Variants in OVCH1 observed in about 807,000 individuals in gnomAD.
OVCH1 encodes ovochymase 1, also known as ovochymase-1.
In OVCH1, 139 loss-of-function variants were observed where a neutral mutation model predicts 138.4. The ratio of observed to expected loss-of-function variants is 1.00; its 90% CI spans 0.87 to 1.16. OVCH1 has a LOEUF of 1.16. Ranked by LOEUF, OVCH1 falls within the 50% of genes most tolerant of loss-of-function variation. OVCH1 has a pLI of 0.00. For missense variants in OVCH1, 1,367 were observed against 1,357.9 expected, an observed-to-expected ratio of 1.01 and a Z score of -0.11; for synonymous variants, 453 against 467.8, an observed-to-expected ratio of 0.97 and a Z score of 0.41.
chr12:29,492,035 A>G (rs1436670270), intron 4 of OVCH1, among the ~76,000 whole-genome samples: 1 of 152,216 alleles, frequency 6.6e-6, no homozygotes, highest in African/African-American at 2.4e-5. Context: ...AACAGCAAAT[A>G]TAATACATTG....
In OVCH1 at chr12:29,478,983, G is replaced by T; in HGVS notation, c.996-75C>A. The T allele has an allele frequency of 9.5e-7, 1 of 1,052,026 alleles. No individual in the cohort carries two copies. Among genetic ancestry groups the T allele is most frequent in the East Asian group, 2.8e-5 (1 of 35,592 alleles). The allele number at this position is 1,052,026 out of a possible 1,614,324, so 65.2% of individuals were successfully genotyped here. On this transcript the variant is annotated intron_variant, in intron 8 of 27. Coordinates refer to ENST00000318184, the Ensembl canonical transcript of OVCH1. ...AAACATATAAGCTGGGGTAGGGGAA[G>T]GTGAAGAAAATGTAATAAATGGAAG...
At chr12:29,423,580 T>G (rs1287436460), downstream of OVCH1, among the ~76,000 whole-genome samples, 1 of 152,154 alleles carries the variant, frequency 6.6e-6, no homozygotes, top group African/African-American at 2.4e-5. Flanking sequence ...AAAGGGCATT[T>G]GCGCGAAGAT....
intron 22 of OVCH1, among the ~76,000 whole-genome samples, chr12:29,447,716 GTAAA>G (rs1206814222): frequency 6.6e-6 from 1 of 152,058 alleles, no homozygotes; most frequent in African/African-American, 2.4e-5. Context: ...TTTTAGTCAG[GTAAA>G]TGAAGATGGT....
At chr12:29,414,335 T>C (rs957725284) in intron 3 of OVCH1, among the ~76,000 whole-genome samples, 1 of 152,164 alleles carries the variant, frequency 6.6e-6, no homozygotes, top group African/African-American at 2.4e-5. Flanking sequence ...CAACTGCTTT[T>C]CTTATTCTGA....
In OVCH1 at chr12:29,440,750, T is replaced by C. The variant is rs990684975; in HGVS notation, c.3158-1316A>G. ...CAGTGCTCATCAACATTCTCCTAAA[T>C]AGAAACACAAATATTCTTAATGCAC... On this transcript the variant is annotated intron_variant, in intron 25 of 27. Transcript: ENST00000318184. 10 of 455,886 alleles carry C rather than the reference T, an allele frequency of 2.2e-5. No individual in the cohort carries two copies. Among genetic ancestry groups the C allele is most frequent in the Middle Eastern group, 3.3e-4 (1 of 3,064 alleles). The allele number at this position is 455,886 out of a possible 1,614,324, so 28.2% of individuals were successfully genotyped here. A position where few individuals can be genotyped will look rare whatever the true frequency, so the allele number is the denominator to read the frequency against.
chr12:29,457,997 A>C (rs1300618351), intron 19 of OVCH1, among the ~76,000 whole-genome samples: 1 of 152,214 alleles, frequency 6.6e-6, no homozygotes, highest in Non-Finnish European at 1.5e-5. Flanking sequence ...CTAAGGCAAG[A>C]TATGGTCAGT....
chr12:29,452,234 AATGT>A (rs1451724111), intron 21 of OVCH1, among the ~76,000 whole-genome samples: 1 of 152,210 alleles, frequency 6.6e-6, no homozygotes, highest in Non-Finnish European at 1.5e-5. Context: ...TTCATATTTT[AATGT>A]ATGTGTTAGT....
chr12:29,446,921 T>A (rs1339824765), intron 22 of OVCH1, among the ~76,000 whole-genome samples: 1 of 151,808 alleles, frequency 6.6e-6, no homozygotes, highest in African/African-American at 2.4e-5. Flanking sequence ...TACGGATACA[T>A]TTAAACAACT....
intron 22 of OVCH1, among the ~76,000 whole-genome samples, chr12:29,448,956 C>A (rs1207642399): frequency 6.6e-6 from 1 of 152,076 alleles, no homozygotes; most frequent in Admixed American, 6.6e-5. Context: ...CCTCCCACAT[C>A]CCTCCTTACT....
intron 27 of OVCH1, among the ~76,000 whole-genome samples, chr12:29,428,250 CT>C (rs1364015143): frequency 6.6e-6 from 1 of 152,196 alleles, no homozygotes; most frequent in Non-Finnish European, 1.5e-5. Flanking sequence ...GCCAGGCCTC[CT>C]TTTGACTGAG....
At chr12:29,427,633 T>C (rs1351641433) in exon 28 of OVCH1, 1 of 1,551,070 alleles carries the variant, frequency 6.4e-7, no homozygotes, top group Non-Finnish European at 8.7e-7. Flanking sequence ...ATCCTGGACT[T>C]CTCAGCCTCC....
intron 18 of OVCH1, among the ~76,000 whole-genome samples, chr12:29,462,646 T>A (rs2135976838): frequency 6.6e-6 from 1 of 152,218 alleles, no homozygotes; most frequent in East Asian, 1.9e-4. Flanking sequence ...CTATACCTTT[T>A]GGGGCAATAT....
intron 27 of OVCH1, among the ~76,000 whole-genome samples, chr12:29,428,647 G>T (rs1317603160): frequency 1.3e-5 from 2 of 152,154 alleles, no homozygotes; most frequent in Non-Finnish European, 2.9e-5. Flanking sequence ...TGATAGGAAA[G>T]TTAGGCAACT....
intron 25 of OVCH1, among the ~76,000 whole-genome samples, 188 bp downstream of exon 26, chr12:29,439,665 C>A (rs958982044): frequency 6.6e-6 from 1 of 152,082 alleles, no homozygotes; most frequent in African/African-American, 2.4e-5. Context: ...TGGGTTAGCA[C>A]GGACTGCACA....
exon 20 of OVCH1, chr12:29,455,275 A>G: frequency 6.2e-7 from 1 of 1,613,672 alleles, no homozygotes; most frequent in Non-Finnish European, 8.5e-7. Context: ...GATCCAGTCC[A>G]AGAAGATCAT....
intron 4 of OVCH1, among the ~76,000 whole-genome samples, chr12:29,494,052 T>G (rs1261371122): frequency 6.6e-6 from 1 of 152,174 alleles, no homozygotes; most frequent in Admixed American, 6.5e-5. Flanking sequence ...CAAACCTGAG[T>G]GAGGCCTGGC....
intron 26 of OVCH1, among the ~76,000 whole-genome samples, chr12:29,435,248 G>A (rs76198523): frequency 0.015 from 2,238 of 152,190 alleles, 47 homozygotes; most frequent in East Asian, 0.083. Context: ...CCCAGCTACT[G>A]GGGAGGCTGA....
intron 14 of OVCH1, 75 bp downstream of exon 14, chr12:29,474,985 TA>T: frequency 6.8e-7 from 1 of 1,468,946 alleles, no homozygotes. Flanking sequence ...TACATTGAGG[TA>T]AACATGGCTA....
chr12:29,426,764 C>T (rs151058438), downstream of OVCH1, among the ~76,000 whole-genome samples: 28 of 152,320 alleles, frequency 1.8e-4, no homozygotes, highest in African/African-American at 6.7e-4. Flanking sequence ...TTGTTATCCT[C>T]CTCTAAAGCA....
Sources: gnomAD v4.1 joint callset for allele counts (sites outside exome capture counted in the v4.1 genomes callset) on GRCh38, gnomAD v4.1.1 for gene constraint, MANE v1.5 for transcripts, NCBI Gene and HGNC (gene_info 2026-07-23, HGNC 2026-07-21) for gene names.